ZNF331: variants seen among roughly 807,000 people sequenced by gnomAD.
ZNF331 encodes zinc finger protein 331, also known as C2H2-like zinc finger protein rearranged in thyroid adenomas.
In ZNF331, 2 loss-of-function variants were observed where a neutral mutation model predicts 7.0. The observed-to-expected ratio is 0.29, with a 90% CI of 0.12 to 0.90. The LOEUF is 0.90. Ranked by LOEUF, ZNF331 falls within the 40% of genes least tolerant of loss-of-function variation. ZNF331 has a pLI of 0.58. For missense variants in ZNF331, 432 were observed against 587.7 expected, an observed-to-expected ratio of 0.74 and a Z score of 2.74; for synonymous variants, 196 against 205.4, an observed-to-expected ratio of 0.95 and a Z score of 0.39.
At chr19:53,508,632 G>A in the ZNF331 span, among the ~76,000 whole-genome samples, 1 of 151,986 alleles carries the variant, frequency 6.6e-6, no homozygotes, top group Non-Finnish European at 1.5e-5. Context: ...AAATCACTGG[G>A]GGTTATGAAT....
At chr19:53,504,989 G>A in the ZNF331 span, among the ~76,000 whole-genome samples, 1 of 152,198 alleles carries the variant, frequency 6.6e-6, no homozygotes, top group Non-Finnish European at 1.5e-5. Context: ...TGAACTGTCC[G>A]AATGTGATTT....
intron 2 of ZNF331, among the ~76,000 whole-genome samples, chr19:53,532,630 A>G (rs1241401365): frequency 1.3e-5 from 2 of 152,210 alleles, no homozygotes; most frequent in African/African-American, 4.8e-5. Flanking sequence ...GAATACAGCA[A>G]TGAAGCCATC....
At chr19:53,546,584 G>C (rs115162481) in intron 2 of ZNF331, among the ~76,000 whole-genome samples, 1 of 151,628 alleles carries the variant, frequency 6.6e-6, no homozygotes, top group Non-Finnish European at 1.5e-5. Flanking sequence ...TCATGTTAGC[G>C]CGCTTTATTT....
At position 53,539,056 on chromosome 19, in the gene ZNF331, A is replaced by T. The variant is rs2087943885; in HGVS notation, c.-204-160A>T. The T allele has an allele frequency of 6.6e-6, 1 of 152,186 alleles. No homozygotes were observed. The highest frequency in any genetic ancestry group is 2.1e-4 in the South Asian group (1 of 4,830). 9.4% of individuals were successfully genotyped at this position (152,186 alleles called of 1,614,324 possible). On this transcript the variant is annotated intron_variant, in intron 1 of 5. Coordinates refer to ENST00000449416, the MANE Select transcript of ZNF331 (RefSeq NM_001079906.2). This position sits in a 1 kb window ranked among gnomAD's most constrained non-coding sequence, Gnocchi z 6.1. ...CCTCCTGTAGAGGGACAGGTCCCTG[A>T]TGTGGGAGACAGGGAGGGGGGCAGC...
chr19:53,546,537 C>T (rs959396167), intron 2 of ZNF331, among the ~76,000 whole-genome samples: 1 of 150,830 alleles, frequency 6.6e-6, no homozygotes, highest in African/African-American at 2.4e-5. Context: ...AGAAAAATCC[C>T]CCCTAAAAAA....
At chr19:53,556,042 A>G (rs548213169) in intron 3 of ZNF331, 134 bp downstream of exon 3, 2 of 152,004 alleles carry the variant, frequency 1.3e-5, no homozygotes, top group African/African-American at 4.8e-5. Context: ...CTGGAGATCG[A>G]GACCATCCTG....
intron 2 of ZNF331, among the ~76,000 whole-genome samples, chr19:53,544,640 T>C (rs987492447): frequency 6.6e-6 from 1 of 152,174 alleles, no homozygotes; most frequent in Admixed American, 6.5e-5. Flanking sequence ...TACTGCTATT[T>C]TTTTCGTTGT....
intron 2 of ZNF331, among the ~76,000 whole-genome samples, chr19:53,544,286 C>T (rs146895360): frequency 1.2e-3 from 174 of 150,444 alleles, no homozygotes; most frequent in Non-Finnish European, 2.0e-3. Context: ...TGGCTCATGC[C>T]TGTAATCCCA....
intron 3 of ZNF331, among the ~76,000 whole-genome samples, chr19:53,559,494 GCATATATACACACCTA>G (rs1413575553): frequency 2.9e-5 from 4 of 140,292 alleles, no homozygotes; most frequent in East Asian, 4.4e-4. Flanking sequence ...CCATATATAT[GCATATATACACACCTA>G]CATATATACA....
intron 5 of ZNF331, 35 bp from the exon 6 acceptor site, chr19:53,576,662 C>T: frequency 1.3e-6 from 2 of 1,562,668 alleles, no homozygotes; most frequent in East Asian, 2.2e-5. Context: ...ACTTGTGTCC[C>T]TCTAAAGGAA....
chr19:53,557,389 A>G (rs1260854983), intron 3 of ZNF331, among the ~76,000 whole-genome samples: 1 of 152,182 alleles, frequency 6.6e-6, no homozygotes, highest in Non-Finnish European at 1.5e-5. Flanking sequence ...ACACATGGTG[A>G]AAGGGAGCTG....
At chr19:53,503,814 T>G in the ZNF331 span, 56 of 697,150 alleles carry the variant, frequency 8.0e-5, no homozygotes, top group Non-Finnish European at 1.3e-4. Context: ...CTGGTCAATA[T>G]CATTGTTCTC....
chr19:53,508,862 C>A, the ZNF331 span, among the ~76,000 whole-genome samples: 1 of 152,086 alleles, frequency 6.6e-6, no homozygotes, highest in Non-Finnish European at 1.5e-5. Context: ...AGTAGGGGAT[C>A]ATGAGAATAA....
chr19:53,544,712 G>A (rs1216779675), intron 2 of ZNF331, among the ~76,000 whole-genome samples: 2 of 151,914 alleles, frequency 1.3e-5, no homozygotes, highest in Admixed American at 6.6e-5. Context: ...TCACTATCCT[G>A]GCTGTGATAC....
intron 3 of ZNF331, among the ~76,000 whole-genome samples, chr19:53,564,067 C>CGGCGT (rs2147580198): frequency 7.7e-6 from 1 of 130,248 alleles, no homozygotes; most frequent in Admixed American, 8.4e-5. Context: ...AGCACAGAGC[C>CGGCGT]TGCATTCTTT....
upstream of ZNF331, among the ~76,000 whole-genome samples, chr19:53,516,683 T>C (rs970036178): frequency 7.9e-5 from 12 of 152,248 alleles, no homozygotes; most frequent in Middle Eastern, 3.4e-3. Flanking sequence ...AGTCCAGAGC[T>C]TTTTAAATAT....
chr19:53,540,621 CAG>C (rs2088090560), intron 2 of ZNF331, among the ~76,000 whole-genome samples: 1 of 152,214 alleles, frequency 6.6e-6, no homozygotes, highest in African/African-American at 2.4e-5. Flanking sequence ...TTAGTGGAAA[CAG>C]GGTTTCTCCT....
At chr19:53,512,945 G>A in the ZNF331 span, among the ~76,000 whole-genome samples, 10 of 150,866 alleles carry the variant, frequency 6.6e-5, no homozygotes, top group Non-Finnish European at 1.2e-4. Flanking sequence ...AAAACGCTGG[G>A]AACCGCTAAT....
rs767082034 is a variant in ZNF331 at position 53,579,706 on chromosome 19, C to T, written c.*1754C>T. 4.5e-5 allele frequency: 9 copies of T among 197,928 alleles called. No homozygotes were observed. Among genetic ancestry groups the T allele is most frequent in the East Asian group, 1.6e-4 (2 of 12,668 alleles). 12.3% of individuals were successfully genotyped at this position (197,928 alleles called of 1,614,324 possible). A position where few individuals can be genotyped will look rare whatever the true frequency, so the allele number is the denominator to read the frequency against. On this transcript the variant is annotated 3_prime_UTR_variant, in exon 6 of 6. Coordinates refer to ENST00000449416, the MANE Select transcript of ZNF331 (RefSeq NM_001079906.2). Reference sequence around the variant, plus strand: ...AGATTATTGGCACAGCCGTGGGTTACGCAATGATTTCTTAGTACACAAAAC... The same window carrying T: ...AGATTATTGGCACAGCCGTGGGTTATGCAATGATTTCTTAGTACACAAAAC...
Sources: gnomAD v4.1 joint callset for allele counts (sites outside exome capture counted in the v4.1 genomes callset) on GRCh38, gnomAD v4.1.1 for gene constraint, Gnocchi (gnomAD v3.1) non-coding constraint, MANE v1.5 for transcripts, NCBI Gene and HGNC (gene_info 2026-07-23, HGNC 2026-07-21) for gene names.